Variants in UPF2 observed in about 807,000 individuals in gnomAD.
UPF2 encodes UPF2 regulator of nonsense mediated mRNA decay.
Under a neutral mutation model 141.4 loss-of-function variants are expected in UPF2, and 17 were observed. The ratio of observed to expected loss-of-function variants is 0.12; its 90% CI spans 0.08 to 0.18. The LOEUF (loss-of-function observed/expected upper bound fraction) is 0.18. Among genes scored for constraint, UPF2 ranks in the 10% least tolerant of loss-of-function variants. The pLI, the probability that UPF2 is intolerant of heterozygous loss-of-function variation, is 1.00. For missense variants in UPF2, 1,152 were observed against 1,515.9 expected (o/e 0.76, Z 3.99); for synonymous variants, 540 against 498.0 (o/e 1.08, Z -1.12).
At chr10:11,947,961 G>C (rs542308936) in intron 16 of UPF2, among the ~76,000 whole-genome samples, 30 of 151,820 alleles carry the variant, frequency 2.0e-4, no homozygotes, top group Non-Finnish European at 4.0e-4. Context: ...TAAAACTAAG[G>C]AGGAGGCCAG....
chr10:12,020,885 C>G (rs1048681698), intron 3 of UPF2, among the ~76,000 whole-genome samples: 9 of 152,172 alleles, frequency 5.9e-5, no homozygotes, highest in Admixed American at 2.6e-4. Flanking sequence ...TTATAATTAT[C>G]CACTTTGTAT....
intron 16 of UPF2, 110 bp downstream of exon 16, chr10:11,948,259 A>AC: frequency 8.8e-7 from 1 of 1,140,926 alleles, no homozygotes. Context: ...AAAAAAAAAA[A>AC]AAAAAAAAAA....
chr10:11,989,885 C>G (rs1833751215), intron 8 of UPF2, among the ~76,000 whole-genome samples: 1 of 152,124 alleles, frequency 6.6e-6, no homozygotes, highest in South Asian at 2.1e-4. Flanking sequence ...GTCTAGGGAG[C>G]CCACCAAACC....
rs1833031151 is a variant in UPF2, at chr10:11,948,363, C to T, written c.3174+6G>A. On this transcript the variant is annotated splice_donor_region_variant and intron_variant, in intron 16 of 21. Transcript: ENST00000357604. The stretch of plus-strand genomic sequence containing the variant: ...ACTCTATGTTGCTACATATAAAAGT[C>T]ATCACCTCTTCTTCTGGCTCATTTA... 3 of 1,568,150 alleles carry T rather than the reference C, an allele frequency of 1.9e-6. No homozygotes were observed. The highest frequency in any genetic ancestry group is 2.7e-5 in the African/African-American group (2 of 74,118).
At chr10:11,933,203 T>C (rs1161323332) in intron 19 of UPF2, among the ~76,000 whole-genome samples, 1 of 152,102 alleles carries the variant, frequency 6.6e-6, no homozygotes, top group East Asian at 1.9e-4. Context: ...ATCCAAAGAT[T>C]CCTATAAGGC....
At chr10:11,962,443 C>T (rs975545728) in intron 11 of UPF2, among the ~76,000 whole-genome samples, 5 of 152,060 alleles carry the variant, frequency 3.3e-5, no homozygotes, top group Non-Finnish European at 5.9e-5. Context: ...TTCCTGCTTC[C>T]TCATCCCTTA....
intron 3 of UPF2, among the ~76,000 whole-genome samples, chr10:12,020,320 C>T (rs908554162): frequency 1.3e-5 from 2 of 151,588 alleles, no homozygotes; most frequent in African/African-American, 4.9e-5. Flanking sequence ...GGCGCAATCT[C>T]GGCTCACCGC....
In UPF2 at chr10:12,026,594, A is replaced by G. The variant is rs565694187; in HGVS notation, c.1145+2151T>C. On this transcript the variant is annotated intron_variant, in intron 3 of 21. Transcript: ENST00000357604. Reference sequence around the variant, plus strand: ...ACCTTTCCTTCCCCAACCACTGGACACTTCTGTAAAAATATAGTAAGAATA... The same window carrying G: ...ACCTTTCCTTCCCCAACCACTGGACGCTTCTGTAAAAATATAGTAAGAATA... 208 of 448,624 alleles carry G rather than the reference A, an allele frequency of 4.6e-4. 2 individuals carry two copies. Among genetic ancestry groups the G allele is most frequent in the Middle Eastern group, 4.0e-3 (12 of 2,986 alleles). 27.8% of individuals were successfully genotyped at this position (448,624 alleles called of 1,614,324 possible). A position where few individuals can be genotyped will look rare whatever the true frequency, so the allele number is the denominator to read the frequency against.
chr10:12,003,743 T>C (rs1833989373), intron 5 of UPF2, among the ~76,000 whole-genome samples: 1 of 151,878 alleles, frequency 6.6e-6, no homozygotes, highest in African/African-American at 2.4e-5. Context: ...CTGACCAACA[T>C]GGTGAAACCC....
intron 12 of UPF2, among the ~76,000 whole-genome samples, chr10:11,958,316 A>G (rs187251707): frequency 3.2e-4 from 48 of 152,358 alleles, no homozygotes; most frequent in African/African-American, 1.2e-3. Flanking sequence ...AATGGATACT[A>G]TTAGCCAATT....
Position 11,921,301 on chromosome 10 carries a change from A to G in UPF2, c.3816T>C (p.Arg1272=), listed in dbSNP as rs543447688. 321 of 1,614,072 alleles carry G rather than the reference A, an allele frequency of 2.0e-4. 1 individual carries two copies. Among genetic ancestry groups the G allele is most frequent in the South Asian group, 1.4e-3 (132 of 91,094 alleles). ...DLIFKTGGRR[R] ...TGAAATGACACGTGCTGCTGGATCA[A>G]CGTCTCCTAAAGGAACAAACAGGGT... Residue 1272 remains arginine (R), a synonymous_variant, in exon 22 of 22, where the codon CGT becomes CGC. Transcript: ENST00000357604. The surrounding 1 kb of genome is among the most constrained non-coding windows in gnomAD (Gnocchi z 5.9).
chr10:11,967,545 A>ATT, intron 9 of UPF2, 91 bp from the exon 10 acceptor site: 491 of 388,496 alleles, frequency 1.3e-3, no homozygotes, highest in East Asian at 1.7e-3. Flanking sequence ...AATTCACTCC[A>ATT]GTTTTTTTTT....
intron 19 of UPF2, among the ~76,000 whole-genome samples, chr10:11,932,335 T>C (rs1832792700): frequency 6.6e-6 from 1 of 152,092 alleles, no homozygotes; most frequent in Admixed American, 6.6e-5. Context: ...ATGATGATGG[T>C]ACTAATCACA....
At chr10:12,034,930 A>G in intron 2 of UPF2, 129 bp downstream of exon 2, 1 of 1,353,396 alleles carries the variant, frequency 7.4e-7, no homozygotes. Context: ...TAACAGAACA[A>G]GTAAATTAAG....
intron 9 of UPF2, among the ~76,000 whole-genome samples, chr10:11,969,820 A>G (rs573853344): frequency 8.3e-4 from 126 of 152,164 alleles, no homozygotes; most frequent in Non-Finnish European, 1.7e-3. Context: ...CAATGTCCTT[A>G]TCTGTAAATT....
At chr10:11,934,446 C>A (rs186821117) in intron 19 of UPF2, among the ~76,000 whole-genome samples, 107 of 152,316 alleles carry the variant, frequency 7.0e-4, no homozygotes, top group Admixed American at 8.5e-4. Context: ...GGAGGCCTGG[C>A]TGGAGCCTGG....
intron 2 of UPF2, among the ~76,000 whole-genome samples, chr10:12,031,687 G>T (rs868644045): frequency 2.6e-5 from 4 of 151,776 alleles, no homozygotes; most frequent in Non-Finnish European, 4.4e-5. Flanking sequence ...GAGACGGGGG[G>T]ATCGCTTGAG....
rs1833886687 is a variant in UPF2 at position 11,997,732 on chromosome 10, A to G, written c.1784T>C (p.Met595Thr). ...DKAAMDFCMNMNTKANRKKLV... is the reference protein window; with the variant it reads ...DKAAMDFCMNTNTKANRKKLV... Reference sequence around the variant, plus strand: ...CTTCTTCCTGTTTGCTTTTGTGTTCATGTTCATGCAAAAATCCATTGCTGC... The same window carrying G: ...CTTCTTCCTGTTTGCTTTTGTGTTCGTGTTCATGCAAAAATCCATTGCTGC... The change falls in exon 8 of 22, where the codon ATG becomes ACG. Residue 595 changes from methionine (M) to threonine (T), a missense_variant. Met to Thr is a moderately conservative substitution (Grantham distance 81). Around this residue, in one of 4 missense-constraint regions of UPF2, gnomAD observed 739 missense variants for 1,032.2 expected, o/e 0.72. Transcript: ENST00000357604. 6.2e-7 allele frequency: 1 copy of G among 1,613,864 alleles called. No individual in the cohort carries two copies. Among genetic ancestry groups the G allele is most frequent in the Non-Finnish European group, 8.5e-7 (1 of 1,179,864 alleles).
At chr10:12,023,930 G>T (rs7098102) in intron 3 of UPF2, among the ~76,000 whole-genome samples, 4 of 151,858 alleles carry the variant, frequency 2.6e-5, no homozygotes, top group Non-Finnish European at 5.9e-5. Context: ...GGAGGCTGCA[G>T]TGAGCACTTC....
Sources: gnomAD v4.1 joint callset for allele counts (sites outside exome capture counted in the v4.1 genomes callset) on GRCh38, gnomAD v4.1.1 for gene constraint, gnomAD v4.1.1 regional missense constraint, Gnocchi (gnomAD v3.1) non-coding constraint, MANE v1.5 for transcripts, NCBI Gene and HGNC (gene_info 2026-07-23, HGNC 2026-07-21) for gene names.